Variants in BARX2 observed in about 807,000 individuals in gnomAD.
The protein encoded by BARX2 is homeobox protein BarH-like 2.
BARX2 carries 11 observed loss-of-function variants against 25.5 expected under a neutral mutation model. That is an observed-to-expected ratio of 0.43 (90% CI 0.27 to 0.71). BARX2 has a LOEUF of 0.71. Ranked by LOEUF, BARX2 falls within the 30% of genes least tolerant of loss-of-function variation. BARX2 has a pLI of 0.19. For synonymous variants in BARX2, 137 were observed against 149.5 expected (o/e 0.92, Z 0.61); for missense variants, 360 against 359.9 (o/e 1.00, Z 0.00).
chr11:129,395,761 A>C (rs2135390283), intron 1 of BARX2, among the ~76,000 whole-genome samples: 1 of 152,232 alleles, frequency 6.6e-6, no homozygotes, highest in East Asian at 1.9e-4. Flanking sequence ...TGTTTCAGGA[A>C]AGTAATAGGA....
Position 129,376,302 on chromosome 11 carries a change from G to A in BARX2, c.187+80G>A. On this transcript the variant is annotated intron_variant, in intron 1 of 3. Coordinates refer to ENST00000281437, the MANE Select transcript of BARX2 (RefSeq NM_003658.5). The surrounding 1 kb of genome is among the most constrained non-coding windows in gnomAD (Gnocchi z 4.2). The stretch of plus-strand genomic sequence containing the variant: ...GGTGGCCTGTGCTTTGCGATCCGAG[G>A]GCGAGAGGAAGGGTTAAGTTAAGGG... 7.5e-7 allele frequency: 1 copy of A among 1,339,870 alleles called. No homozygotes were observed. Among genetic ancestry groups the A allele is most frequent in the Middle Eastern group, 1.9e-4 (1 of 5,298 alleles). The allele number at this position is 1,339,870 out of a possible 1,614,324, so 83.0% of individuals were successfully genotyped here.
chr11:129,439,745 C>T (rs577135100), intron 2 of BARX2, among the ~76,000 whole-genome samples: 2 of 152,156 alleles, frequency 1.3e-5, no homozygotes, highest in South Asian at 4.2e-4. Context: ...GATGGGCTCT[C>T]CAGGTATGAC....
intron 1 of BARX2, among the ~76,000 whole-genome samples, chr11:129,396,837 G>A (rs892126397): frequency 6.6e-6 from 1 of 152,066 alleles, no homozygotes; most frequent in African/African-American, 2.4e-5. Context: ...GCCCCAAGAT[G>A]CCCCAGAAGA....
Position 129,441,234 on chromosome 11 carries a change from A to C in BARX2, c.489-1601A>C, listed in dbSNP as rs1202071094. On this transcript the variant is annotated intron_variant, in intron 2 of 3. Transcript: ENST00000281437. ...TGACAGGTTCAACTTGTGCAGATAT[A>C]TTGTGAGTGGGTGTGAGCCCCAATG... is the stretch of plus-strand genomic sequence containing the variant. 2.6e-5 allele frequency among the ~76,000 whole-genome samples: 4 copies of C among 152,034 alleles called. No homozygotes were observed. In the East Asian group the frequency reaches 5.8e-4, roughly 22 times the overall value.
chr11:129,423,563 A>G (rs1407049764), intron 1 of BARX2, among the ~76,000 whole-genome samples: 2 of 152,184 alleles, frequency 1.3e-5, no homozygotes, highest in East Asian at 3.9e-4. Flanking sequence ...TCTCCCCAGC[A>G]TGCCTGGTGG....
chr11:129,437,044 C>T lies in BARX2; in HGVS notation c.481C>T (p.Pro161Ser), dbSNP rs762077742. 5 of 1,569,040 alleles carry T rather than the reference C, an allele frequency of 3.2e-6. No individual in the cohort carries two copies. In the South Asian group the frequency reaches 5.9e-5, roughly 19 times the overall value. The part of the protein sequence containing the change: ...KFQKQKYLST[P>S]DRLDLAQSLG... The stretch of plus-strand genomic sequence containing the variant: ...CCAGAAGCAGAAGTATTTGTCAACC[C>T]CAGACAGGTGAGGACGCAGGGAAGG... The change falls in exon 2 of 4, where the codon CCA becomes TCA. Residue 161 changes from proline to serine, a missense_variant. Pro to Ser is a moderately conservative substitution (Grantham distance 74). Around this residue, in one of 3 missense-constraint regions of BARX2, gnomAD observed 240 missense variants for 228.7 expected, o/e 1.05. Transcript: ENST00000281437.
At position 129,436,375 on chromosome 11, in the gene BARX2, C is replaced by T. The variant is rs1235345079; in HGVS notation, c.188-376C>T. Reference sequence around the variant, plus strand: ...TGGTTCTCAGGAAGTTTGCATATTACAAATCTATTTCGGGTTTCTGAAATA... The same window carrying T: ...TGGTTCTCAGGAAGTTTGCATATTATAAATCTATTTCGGGTTTCTGAAATA... On this transcript the variant is annotated intron_variant, in intron 1 of 3. Coordinates refer to ENST00000281437, the MANE Select transcript of BARX2 (RefSeq NM_003658.5). This position sits in a 1 kb window ranked among gnomAD's most constrained non-coding sequence, Gnocchi z 4.5. The T allele has an allele frequency of 4.5e-6, 1 of 219,988 alleles. No individual in the cohort carries two copies. The highest frequency in any genetic ancestry group is 8.9e-6 in the Non-Finnish European group (1 of 112,724). 13.6% of individuals were successfully genotyped at this position (219,988 alleles called of 1,614,324 possible).
At chr11:129,408,104 A>C (rs944415970) in intron 1 of BARX2, among the ~76,000 whole-genome samples, 2 of 151,934 alleles carry the variant, frequency 1.3e-5, no homozygotes, top group Non-Finnish European at 2.9e-5. Flanking sequence ...CAAACAGAAC[A>C]ACCTCTGCAG....
chr11:129,443,517 G>GC (rs1228489196), intron 3 of BARX2, among the ~76,000 whole-genome samples: 3 of 152,120 alleles, frequency 2.0e-5, no homozygotes, highest in African/African-American at 7.2e-5. Flanking sequence ...AGAACTCTAG[G>GC]CCCCCTCCCA....
rs1274899218 is a variant in BARX2, at chr11:129,376,343, C to T, written c.187+121C>T. The T allele has an allele frequency of 1.5e-5, 16 of 1,055,512 alleles. No individual in the cohort carries two copies. The highest frequency in any genetic ancestry group is 1.9e-5 in the Non-Finnish European group (14 of 745,842). 65.4% of individuals were successfully genotyped at this position (1,055,512 alleles called of 1,614,324 possible). On this transcript the variant is annotated intron_variant, in intron 1 of 3. Coordinates refer to ENST00000281437, the MANE Select transcript of BARX2 (RefSeq NM_003658.5). The surrounding 1 kb of genome is among the most constrained non-coding windows in gnomAD (Gnocchi z 4.2). ...AAGTTAAGGGATTCTTTTCCTGCGC[C>T]TCAGCAAGCGGTGGGCATTGCAAAG...
Position 129,452,139 on chromosome 11 carries a change from G to T in BARX2, c.*737G>T, listed in dbSNP as rs1160876072. ...AGTTATTTCTATCCTACTGCTCAAG[G>T]TCATCACCAAGATCTGATTTTTCAT... On this transcript the variant is annotated 3_prime_UTR_variant, in exon 4 of 4. Transcript: ENST00000281437. 3 of 151,896 alleles carry T rather than the reference G, an allele frequency of 2.0e-5. No individual in the cohort carries two copies. The highest frequency in any genetic ancestry group is 2.9e-5 in the Non-Finnish European group (2 of 68,006). The allele number at this position is 151,896 out of a possible 1,614,324, so 9.4% of individuals were successfully genotyped here.
At chr11:129,443,481 C>T (rs148828472) in intron 3 of BARX2, among the ~76,000 whole-genome samples, 4 of 152,220 alleles carry the variant, frequency 2.6e-5, no homozygotes, top group South Asian at 4.1e-4. Flanking sequence ...TGGGCATTAG[C>T]GTCCCCTGGG....
intron 1 of BARX2, among the ~76,000 whole-genome samples, chr11:129,430,955 G>A (rs1862121762): frequency 6.6e-6 from 1 of 152,066 alleles, no homozygotes; most frequent in Admixed American, 6.6e-5. Context: ...TTCACTTCCC[G>A]GGTTCCAGCA....
chr11:129,446,857 A>G (rs1209544388), intron 3 of BARX2, among the ~76,000 whole-genome samples: 3 of 152,146 alleles, frequency 2.0e-5, no homozygotes, highest in Non-Finnish European at 2.9e-5. Flanking sequence ...CTTGTTTCTC[A>G]GCTTCATGGA....
intron 1 of BARX2, among the ~76,000 whole-genome samples, chr11:129,402,857 C>G (rs1311762703): frequency 6.6e-6 from 1 of 152,156 alleles, no homozygotes; most frequent in Non-Finnish European, 1.5e-5. Flanking sequence ...CAACAAAAAC[C>G]CTGGGAGTCC....
chr11:129,394,027 C>A (rs1379299331), intron 1 of BARX2, among the ~76,000 whole-genome samples: 1 of 152,144 alleles, frequency 6.6e-6, no homozygotes, highest in Non-Finnish European at 1.5e-5. Context: ...GCGTCTCTCC[C>A]CCATTAGAGG....
At chr11:129,411,296 G>A (rs968667721) in intron 1 of BARX2, among the ~76,000 whole-genome samples, 4 of 151,554 alleles carry the variant, frequency 2.6e-5, no homozygotes, top group African/African-American at 4.9e-5. Context: ...GCGTGAATCC[G>A]GGAAGCAGAG....
At chr11:129,437,533 G>A (rs760766117) in intron 2 of BARX2, 2 of 985,302 alleles carry the variant, frequency 2.0e-6, no homozygotes, top group Non-Finnish European at 2.4e-6. Context: ...ATCCAGTTGA[G>A]GAGGTCAGAC....
At chr11:129,412,226 C>T (rs1861896658) in intron 1 of BARX2, among the ~76,000 whole-genome samples, 1 of 151,294 alleles carries the variant, frequency 6.6e-6, no homozygotes, top group Non-Finnish European at 1.5e-5. Context: ...GAACCGAGAT[C>T]GCGTCACTGC....
Sources: gnomAD v4.1 joint callset for allele counts (sites outside exome capture counted in the v4.1 genomes callset) on GRCh38, gnomAD v4.1.1 for gene constraint, gnomAD v4.1.1 regional missense constraint, Gnocchi (gnomAD v3.1) non-coding constraint, MANE v1.5 for transcripts, NCBI Gene and HGNC (gene_info 2026-07-23, HGNC 2026-07-21) for gene names.